AFG1L: variants seen among roughly 807,000 people sequenced by gnomAD.
AFG1L encodes the protein AFG1-like ATPase.
A neutral mutation model predicts 62.2 loss-of-function variants in AFG1L; 53 were observed. That is an observed-to-expected ratio of 0.85 (90% confidence interval 0.68 to 1.07). The LOEUF (loss-of-function observed/expected upper bound fraction) is 1.07. Ranked by LOEUF, AFG1L falls within the 50% of genes least tolerant of loss-of-function variation. The pLI is 0.00. For missense variants in AFG1L, 555 were observed against 590.5 expected (o/e 0.94, Z 0.62); for synonymous variants, 228 against 210.3 (o/e 1.08, Z -0.73).
intron 10 of AFG1L, among the ~76,000 whole-genome samples, chr6:108,509,944 A>G (rs531917893): frequency 2.3e-4 from 35 of 152,228 alleles, no homozygotes; most frequent in Admixed American, 1.4e-3. Context: ...GTAAAACCTC[A>G]TATTAGGTAT....
chr6:108,361,211 C>G (rs1025794956), intron 5 of AFG1L, among the ~76,000 whole-genome samples: 1 of 152,248 alleles, frequency 6.6e-6, no homozygotes, highest in Admixed American at 6.5e-5. Flanking sequence ...TTATGCCTGT[C>G]TGACCATTGC....
At chr6:108,304,771 C>G (rs1178982735) in intron 1 of AFG1L, among the ~76,000 whole-genome samples, 1 of 152,172 alleles carries the variant, frequency 6.6e-6, no homozygotes, top group Non-Finnish European at 1.5e-5. Context: ...TCTTCTTTCT[C>G]TTTGTGAAGA....
intron 10 of AFG1L, among the ~76,000 whole-genome samples, chr6:108,507,356 C>G (rs146212559): frequency 1.1e-4 from 16 of 152,296 alleles, no homozygotes; most frequent in African/African-American, 3.6e-4. Flanking sequence ...CCCCCAATGA[C>G]TGTTGTCTTG....
At chr6:108,329,934 G>A (rs1185060070) in intron 2 of AFG1L, among the ~76,000 whole-genome samples, 1 of 152,158 alleles carries the variant, frequency 6.6e-6, no homozygotes, top group African/African-American at 2.4e-5. Flanking sequence ...CTGCTGTCAT[G>A]AATGGATTAG....
chr6:108,448,784 A>G (rs1053424196), intron 8 of AFG1L, among the ~76,000 whole-genome samples: 19 of 152,280 alleles, frequency 1.2e-4, no homozygotes, highest in African/African-American at 4.6e-4. Flanking sequence ...CAACACTAAC[A>G]ATGTCCAGAG....
intron 6 of AFG1L, among the ~76,000 whole-genome samples, chr6:108,389,128 G>A (rs966950742): frequency 6.6e-6 from 1 of 152,188 alleles, no homozygotes; most frequent in African/African-American, 2.4e-5. Context: ...TTACCATTAT[G>A]TAATGGCCTT....
chr6:108,464,662 A>T (rs1378690642), intron 8 of AFG1L, among the ~76,000 whole-genome samples: 6 of 152,212 alleles, frequency 3.9e-5, no homozygotes, highest in Non-Finnish European at 7.3e-5. Context: ...AAGGTGACAG[A>T]AGCAATGAAA....
At chr6:108,395,198 A>G (rs1781236413) in intron 6 of AFG1L, among the ~76,000 whole-genome samples, 1 of 152,234 alleles carries the variant, frequency 6.6e-6, no homozygotes, top group South Asian at 2.1e-4. Context: ...ATCTTTTCTA[A>G]AGAGAATAAA....
chr6:108,393,049 C>T (rs1169782920), intron 6 of AFG1L, among the ~76,000 whole-genome samples: 1 of 152,006 alleles, frequency 6.6e-6, no homozygotes, highest in African/African-American at 2.4e-5. Context: ...GGTACTTATA[C>T]CATTTTTTAC....
chr6:108,474,297 G>T (rs1230704676), intron 8 of AFG1L, among the ~76,000 whole-genome samples: 1 of 152,098 alleles, frequency 6.6e-6, no homozygotes, highest in African/African-American at 2.4e-5. Context: ...ATAGGCATTG[G>T]GGTTGATTCC....
At position 108,384,261 on chromosome 6, in the gene AFG1L, AACT is replaced by A. The variant is rs200356236; in HGVS notation, c.749-17731_749-17729del. Among the ~76,000 whole-genome samples, 3 of 152,288 alleles carry A rather than the reference AACT, an allele frequency of 2.0e-5. No individual in the cohort carries two copies. The East Asian group carries it at 5.8e-4, about 29-fold the overall frequency. ...ACCAGATGACAGAGTTTGCGGTAAGAACTACTGCTGGAAAATGAGAAATGGATC... is the reference window on the plus strand; with the variant it reads ...ACCAGATGACAGAGTTTGCGGTAAGAACTGCTGGAAAATGAGAAATGGATC... On this transcript the variant is annotated intron_variant, in intron 6 of 12. Transcript: ENST00000368977.
chr6:108,379,578 C>A (rs558171816), intron 6 of AFG1L, among the ~76,000 whole-genome samples: 74 of 152,306 alleles, frequency 4.9e-4, no homozygotes, highest in Non-Finnish European at 8.4e-4. Flanking sequence ...GCAGACCTGG[C>A]AAATCTGCCT....
chr6:108,309,416 G>A (rs1252714812), intron 1 of AFG1L, among the ~76,000 whole-genome samples: 1 of 152,148 alleles, frequency 6.6e-6, no homozygotes, highest in East Asian at 1.9e-4. Flanking sequence ...ATCTGGTTGT[G>A]TAAGTCCTCC....
intron 6 of AFG1L, among the ~76,000 whole-genome samples, chr6:108,398,964 C>A (rs1781433570): frequency 6.6e-6 from 1 of 151,990 alleles, no homozygotes; most frequent in Non-Finnish European, 1.5e-5. Context: ...TTTAGGATTG[C>A]TTTTTCTATT....
chr6:108,309,062 A>C (rs1777310378), intron 1 of AFG1L, among the ~76,000 whole-genome samples: 1 of 152,140 alleles, frequency 6.6e-6, no homozygotes, highest in Admixed American at 6.6e-5. Flanking sequence ...TGTGTGTCCT[A>C]TTTATGAAAT....
At chr6:108,312,121 T>C (rs1273565836) in intron 1 of AFG1L, among the ~76,000 whole-genome samples, 2 of 152,204 alleles carry the variant, frequency 1.3e-5, no homozygotes, top group Non-Finnish European at 2.9e-5. Flanking sequence ...TGCCTTGGCC[T>C]CCCAAAGTGT....
At chr6:108,500,171 C>CGTGTGTGTGT (rs61654685) in intron 10 of AFG1L, among the ~76,000 whole-genome samples, 7,620 of 135,038 alleles carry the variant, frequency 0.056, 245 homozygotes, top group Middle Eastern at 0.096. Flanking sequence ...ATGGTGCGTG[C>CGTGTGTGTGT]GTGTGTGTGT....
At chr6:108,407,232 G>A (rs1328737750) in intron 7 of AFG1L, among the ~76,000 whole-genome samples, 1 of 152,198 alleles carries the variant, frequency 6.6e-6, no homozygotes, top group Admixed American at 6.5e-5. Context: ...ATTTGCTTTA[G>A]TTAGAACAGT....
chr6:108,314,403 T>C (rs898252409), intron 1 of AFG1L, among the ~76,000 whole-genome samples: 27 of 151,868 alleles, frequency 1.8e-4, no homozygotes, highest in African/African-American at 6.0e-4. Context: ...CTTCTTTTTT[T>C]TTTTTTTTTA....
Sources: gnomAD v4.1 joint callset for allele counts (sites outside exome capture counted in the v4.1 genomes callset) on GRCh38, gnomAD v4.1.1 for gene constraint, MANE v1.5 for transcripts, NCBI Gene and HGNC (gene_info 2026-07-23, HGNC 2026-07-21) for gene names.